The following XXYLT1 variants were observed in gnomAD, a reference collection of about 807,000 sequenced individuals.
XXYLT1 encodes xyloside xylosyltransferase 1, also known as UDP-xylose:alpha-xyloside alpha-1,3-xylosyltransferase.
A neutral mutation model predicts 28.9 loss-of-function variants in XXYLT1; 20 were observed. The ratio of observed to expected loss-of-function variants is 0.69; its 90% CI spans 0.49 to 1.00. The LOEUF (loss-of-function observed/expected upper bound fraction) is 1.00, where lower values mean the gene tolerates loss of function less well. XXYLT1 is among the 50% of genes least tolerant of loss of function. The probability of loss-of-function intolerance (pLI) is 0.00; values close to 1 mark genes in which losing one functional copy is unlikely to be tolerated. For missense variants in XXYLT1, 542 were observed against 560.1 expected (o/e 0.97, Z 0.33); for synonymous variants, 257 against 253.8 (o/e 1.01, Z -0.12).
chr3:195,108,808 T>C (rs1717289789), intron 3 of XXYLT1, among the ~76,000 whole-genome samples: 1 of 152,200 alleles, frequency 6.6e-6, no homozygotes, highest in South Asian at 2.1e-4. Flanking sequence ...TTGACCAAAA[T>C]GTTACGCAGC....
At chr3:195,110,876 G>T (rs2108699016) in intron 3 of XXYLT1, among the ~76,000 whole-genome samples, 1 of 82,842 alleles carries the variant, frequency 1.2e-5, no homozygotes, top group Non-Finnish European at 2.8e-5. Flanking sequence ...TGTGGTGTGT[G>T]GTGTATGTGT....
chr3:195,139,822 T>G (rs1054717352), intron 3 of XXYLT1, among the ~76,000 whole-genome samples: 1 of 152,064 alleles, frequency 6.6e-6, no homozygotes, highest in South Asian at 2.1e-4. Flanking sequence ...CTCACAGAGT[T>G]GGGGTGGGCT....
Position 195,078,873 on chromosome 3 carries a change from T to A in XXYLT1, c.786-8762A>T, listed in dbSNP as rs548470691. Among the ~76,000 whole-genome samples the A allele has an allele frequency of 2.6e-5, 4 of 152,160 alleles. No homozygotes were observed. Among genetic ancestry groups the A allele is most frequent in the Admixed American group, 1.3e-4 (2 of 15,284 alleles). On this transcript the variant is annotated intron_variant, in intron 3 of 3. Coordinates refer to ENST00000310380, the MANE Select transcript of XXYLT1 (RefSeq NM_152531.5). The surrounding 1 kb of genome is among the most constrained non-coding windows in gnomAD (Gnocchi z 5.0). ...CACCCTCAAGAATTCCAAATGCTGA[T>A]GGCCCTTCCCTTCACCTTGACCACA... is the stretch of plus-strand genomic sequence containing the variant.
intron 2 of XXYLT1, among the ~76,000 whole-genome samples, chr3:195,202,117 C>T (rs9864993): frequency 7.1e-4 from 108 of 152,228 alleles, no homozygotes; most frequent in African/African-American, 2.5e-3. Context: ...GTGGAGGTTG[C>T]AGTGAGCCGA....
At chr3:195,196,365 C>A (rs1345865097) in intron 2 of XXYLT1, among the ~76,000 whole-genome samples, 9 of 152,218 alleles carry the variant, frequency 5.9e-5, no homozygotes, top group African/African-American at 2.2e-4. Context: ...GTGGCACTCA[C>A]CCTGCCCTAT....
chr3:195,141,675 T>C (rs188540541), intron 3 of XXYLT1, among the ~76,000 whole-genome samples: 1 of 152,248 alleles, frequency 6.6e-6, no homozygotes, highest in East Asian at 1.9e-4. Context: ...TGAGCAAATC[T>C]CAGAACCCTT....
intron 2 of XXYLT1, among the ~76,000 whole-genome samples, chr3:195,207,783 C>T (rs986610303): frequency 2.0e-5 from 3 of 152,230 alleles, no homozygotes; most frequent in Non-Finnish European, 2.9e-5. Context: ...GGGCTGCAAT[C>T]AAGGTTGGCT....
intron 1 of XXYLT1, among the ~76,000 whole-genome samples, chr3:195,263,238 T>G (rs1725745730): frequency 6.6e-6 from 1 of 152,244 alleles, no homozygotes; most frequent in Non-Finnish European, 1.5e-5. Flanking sequence ...ATTTTAACAT[T>G]TGTCCAGTAT....
At chr3:195,081,863 G>A (rs556822559) in intron 3 of XXYLT1, among the ~76,000 whole-genome samples, 1 of 152,286 alleles carries the variant, frequency 6.6e-6, no homozygotes, top group East Asian at 1.9e-4. Context: ...CCCACCACCA[G>A]GGTGGGCCTG....
At chr3:195,071,536 A>G (rs1441541889) in intron 3 of XXYLT1, among the ~76,000 whole-genome samples, 1 of 152,196 alleles carries the variant, frequency 6.6e-6, no homozygotes, top group Non-Finnish European at 1.5e-5. Context: ...AGGGGAATCC[A>G]CAGGGCCACT....
chr3:195,248,581 T>C (rs1329032929), intron 1 of XXYLT1, among the ~76,000 whole-genome samples: 1 of 152,192 alleles, frequency 6.6e-6, no homozygotes, highest in Non-Finnish European at 1.5e-5. Context: ...ACTATGATTG[T>C]GAGATTTCCC....
intron 2 of XXYLT1, among the ~76,000 whole-genome samples, chr3:195,205,297 T>C (rs1723023887): frequency 6.6e-6 from 1 of 152,204 alleles, no homozygotes; most frequent in African/African-American, 2.4e-5. Context: ...TTAAGCAAAC[T>C]GGTATATTCG....
chr3:195,141,085 C>T (rs142753143), intron 3 of XXYLT1, among the ~76,000 whole-genome samples: 1 of 152,298 alleles, frequency 6.6e-6, no homozygotes, highest in East Asian at 1.9e-4. Context: ...ACCTGATCTG[C>T]CAGCACCTTG....
chr3:195,148,464 G>A (rs1158865862), intron 3 of XXYLT1, among the ~76,000 whole-genome samples: 2 of 151,418 alleles, frequency 1.3e-5, no homozygotes, highest in Non-Finnish European at 2.9e-5. Flanking sequence ...TTTTAAACAC[G>A]AGAACAAGGT....
At chr3:195,187,205 T>G (rs1204131286) in intron 2 of XXYLT1, among the ~76,000 whole-genome samples, 1 of 145,932 alleles carries the variant, frequency 6.9e-6, no homozygotes, top group Non-Finnish European at 1.5e-5. Flanking sequence ...ACCACTGCAC[T>G]CCAGCCTGGG....
At chr3:195,072,174 C>T (rs1162263066) in intron 3 of XXYLT1, among the ~76,000 whole-genome samples, 1 of 152,018 alleles carries the variant, frequency 6.6e-6, no homozygotes, top group Non-Finnish European at 1.5e-5. Flanking sequence ...GTGGGGTGGA[C>T]CGTGCAGCTG....
intron 3 of XXYLT1, among the ~76,000 whole-genome samples, chr3:195,083,580 T>A (rs1454835798): frequency 1.3e-5 from 2 of 152,132 alleles, no homozygotes; most frequent in African/African-American, 2.4e-5. Flanking sequence ...ACAAGCACCA[T>A]GCCCAGAAAA....
rs112067793 is a variant in XXYLT1 at position 195,077,554 on chromosome 3, A to G, written c.786-7443T>C. 1.2e-4 allele frequency among the ~76,000 whole-genome samples: 18 copies of G among 152,214 alleles called. No homozygotes were observed. Among genetic ancestry groups the G allele is most frequent in the African/African-American group, 3.9e-4 (16 of 41,542 alleles). Reference sequence around the variant, plus strand: ...CCAGCCTCCTGGAGTCTGGAATGATAAAGGTGACCCATAGTGTCAGTCTCG... The same window carrying G: ...CCAGCCTCCTGGAGTCTGGAATGATGAAGGTGACCCATAGTGTCAGTCTCG... On this transcript the variant is annotated intron_variant, in intron 3 of 3. Coordinates refer to ENST00000310380, the MANE Select transcript of XXYLT1 (RefSeq NM_152531.5). The surrounding 1 kb of genome is among the most constrained non-coding windows in gnomAD (Gnocchi z 4.8).
At position 195,116,567 on chromosome 3, in the gene XXYLT1, G is replaced by C. The variant is rs193033597; in HGVS notation, c.785+39882C>G. Among the ~76,000 whole-genome samples, 39 of 152,284 alleles carry C rather than the reference G, an allele frequency of 2.6e-4. No homozygotes were observed. The East Asian group carries it at 7.1e-3, about 28-fold the overall frequency. The stretch of plus-strand genomic sequence containing the variant: ...CAGGAAACACAAGAGAGAGACAGTA[G>C]AACCAATCCACAGGACAACTTATCA... On this transcript the variant is annotated intron_variant, in intron 3 of 3. Transcript: ENST00000310380.
Sources: allele counts gnomAD v4.1 joint callset (sites outside exome capture counted in the v4.1 genomes callset), GRCh38; gene constraint gnomAD v4.1.1; non-coding constraint Gnocchi (gnomAD v3.1); transcripts MANE v1.5; gene names NCBI Gene and HGNC (gene_info 2026-07-23, HGNC 2026-07-21).